The following MYOM2 variants were observed in gnomAD, a reference collection of about 807,000 sequenced individuals.
The protein encoded by MYOM2 is myomesin-2.
In MYOM2, 254 loss-of-function variants were observed where a neutral mutation model predicts 187.6. That is an observed-to-expected ratio of 1.35 (90% CI 1.22 to 1.50). MYOM2 has a LOEUF of 1.50. Ranked by LOEUF, MYOM2 falls within the 40% of genes most tolerant of loss-of-function variation. The pLI is 0.00. For missense variants in MYOM2, 2,796 were observed against 1,924.0 expected (o/e 1.45, Z -8.48); for synonymous variants, 981 against 753.8 (o/e 1.30, Z -4.94).
rs1372750646 is a variant in MYOM2 at position 2,057,384 on chromosome 8, G to A, written c.300G>A (p.Lys100=). 6.2e-7 allele frequency: 1 copy of A among 1,613,712 alleles called. No homozygotes were observed. Among genetic ancestry groups the A allele is most frequent in the Non-Finnish European group, 8.5e-7 (1 of 1,179,892 alleles). The change falls in exon 4 of 37, where the codon AAG becomes AAA. Residue 100 remains lysine, a synonymous_variant. Transcript: ENST00000262113. ...TGGTGGCCGCCTATGGTGAGGCCAAGCGACAGCGCTTCCTCAGCGAGCTGG... is the reference window on the plus strand; with the variant it reads ...TGGTGGCCGCCTATGGTGAGGCCAAACGACAGCGCTTCCTCAGCGAGCTGG... ...QSLVAAYGEA[K]RQRFLSELAH...
chr8:2,051,843 GGTTT>G (rs1039742224), intron 2 of MYOM2, among the ~76,000 whole-genome samples: 3 of 152,160 alleles, frequency 2.0e-5, no homozygotes, highest in East Asian at 1.9e-4. Flanking sequence ...CACTTGTGTA[GGTTT>G]GTTTATGTGT....
chr8:2,118,283 G>A (rs568998568), intron 28 of MYOM2, among the ~76,000 whole-genome samples: 3 of 152,252 alleles, frequency 2.0e-5, no homozygotes, highest in Non-Finnish European at 2.9e-5. Flanking sequence ...CTGCTCATAC[G>A]AGTTCATCAG....
intron 6 of MYOM2, among the ~76,000 whole-genome samples, chr8:2,066,821 G>T (rs1004428013): frequency 1.3e-5 from 2 of 152,228 alleles, no homozygotes. Context: ...CTGTTGCTTT[G>T]CACCTGGGGA....
chr8:2,116,213 T>G lies in MYOM2; in HGVS notation c.3326-3T>G. ...TATATATTTTTTTAAATATTGAATTTAGCATTCAAGACTGTGCTGGAAGAG... is the reference window on the plus strand; with the variant it reads ...TATATATTTTTTTAAATATTGAATTGAGCATTCAAGACTGTGCTGGAAGAG... On this transcript the variant is annotated splice_polypyrimidine_tract_variant and splice_region_variant and intron_variant, in intron 26 of 36. Coordinates refer to ENST00000262113, the MANE Select transcript of MYOM2 (RefSeq NM_003970.4). 5 of 1,601,866 alleles carry G rather than the reference T, an allele frequency of 3.1e-6. No individual in the cohort carries two copies. Among genetic ancestry groups the G allele is most frequent in the Non-Finnish European group, 4.3e-6 (5 of 1,175,612 alleles).
At chr8:2,064,503 G>C (rs1818950998) in intron 6 of MYOM2, among the ~76,000 whole-genome samples, 1 of 56,914 alleles carries the variant, frequency 1.8e-5, no homozygotes, top group African/African-American at 5.3e-5. Flanking sequence ...CAGAAGGAAG[G>C]AGAGCGCTCT....
Position 2,069,512 on chromosome 8 carries a change from G to A in MYOM2, c.793+15G>A, listed in dbSNP as rs111629288. On this transcript the variant is annotated intron_variant, in intron 8 of 36. Coordinates refer to ENST00000262113, the MANE Select transcript of MYOM2 (RefSeq NM_003970.4). Reference sequence around the variant, plus strand: ...CCCGATTGGATGTAAGTGGGTTTTTGTTTCTTTTCTGTGTGGTGAAATGTT... The same window carrying A: ...CCCGATTGGATGTAAGTGGGTTTTTATTTCTTTTCTGTGTGGTGAAATGTT... The A allele has an allele frequency of 3.1e-6, 5 of 1,613,974 alleles. No homozygotes were observed. Among genetic ancestry groups the A allele is most frequent in the Admixed American group, 1.7e-5 (1 of 60,008 alleles).
intron 32 of MYOM2, among the ~76,000 whole-genome samples, chr8:2,136,214 T>A (rs1156621127): frequency 1.3e-5 from 2 of 152,192 alleles, no homozygotes; most frequent in Non-Finnish European, 2.9e-5. Context: ...GATCCCCGGC[T>A]CATGGCTACC....
intron 14 of MYOM2, 43 bp from the exon 15 acceptor site, chr8:2,089,965 T>C: frequency 6.2e-7 from 1 of 1,601,848 alleles, no homozygotes; most frequent in South Asian, 1.1e-5. Context: ...TCTGGGGACC[T>C]CGCGGTTTTC....
intron 6 of MYOM2, 86 bp from the exon 7 acceptor site, chr8:2,069,192 C>G: frequency 7.6e-7 from 1 of 1,307,722 alleles, no homozygotes; most frequent in Non-Finnish European, 1.1e-6. Context: ...ATGTGATTTG[C>G]TTTCGAGGAA....
intron 32 of MYOM2, 128 bp downstream of exon 32, chr8:2,129,360 A>G: frequency 1.7e-6 from 1 of 577,120 alleles, no homozygotes; most frequent in Middle Eastern, 4.0e-4. Context: ...TATAATTTTG[A>G]GCAATGATGA....
Position 2,140,786 on chromosome 8 carries a change from G to A in MYOM2, c.3864G>A (p.Leu1288=), listed in dbSNP as rs559455848. 6 of 1,613,978 alleles carry A rather than the reference G, an allele frequency of 3.7e-6. No homozygotes were observed. The East Asian group carries it at 8.9e-5, about 24-fold the overall frequency. ...RIGGSEEMAW[L]QICEPTEKDK... ...GGGGGAGTGAAGAGATGGCTTGGCTGCAGATATGTGAGCCGACTGAGAAGG... is the reference window on the plus strand; with the variant it reads ...GGGGGAGTGAAGAGATGGCTTGGCTACAGATATGTGAGCCGACTGAGAAGG... Residue 1288 remains leucine (L), a synonymous_variant, in exon 33 of 37, where the codon CTG becomes CTA. Transcript: ENST00000262113.
intron 19 of MYOM2, 68 bp downstream of exon 19, chr8:2,099,051 T>C (rs976868477): frequency 1.3e-6 from 2 of 1,495,726 alleles, no homozygotes. Context: ...CCTCTGTGGC[T>C]GCGACTCTGG....
At chr8:2,102,828 G>C (rs771916053) in intron 21 of MYOM2, 47 bp downstream of exon 21, 11 of 1,449,006 alleles carry the variant, frequency 7.6e-6, no homozygotes, top group South Asian at 7.0e-5. Context: ...TTTGTGGGGA[G>C]AGTGTGCATG....
At chr8:2,045,600 A>C (rs914186175) in intron 1 of MYOM2, among the ~76,000 whole-genome samples, 1 of 152,252 alleles carries the variant, frequency 6.6e-6, no homozygotes, top group Non-Finnish European at 1.5e-5. Context: ...CTTAAGGGAA[A>C]AAAGAGTCGA....
chr8:2,137,572 G>C (rs997371297), intron 32 of MYOM2, among the ~76,000 whole-genome samples: 1 of 152,012 alleles, frequency 6.6e-6, no homozygotes, highest in African/African-American at 2.4e-5. Flanking sequence ...GGTTGTGTGT[G>C]TGTGTGTGTG....
Position 2,092,528 on chromosome 8 carries a change from C to G in MYOM2, c.2003+8C>G, listed in dbSNP as rs763649010. ...GCCCATCGGATACAACAGGTGCGGC[C>G]TCCCTCCCCAGCCCTGGAGTCAGCC... On this transcript the variant is annotated splice_region_variant and intron_variant, in intron 16 of 36. Coordinates refer to ENST00000262113, the MANE Select transcript of MYOM2 (RefSeq NM_003970.4). 2.5e-6 allele frequency: 4 copies of G among 1,613,312 alleles called. No homozygotes were observed. The highest frequency in any genetic ancestry group is 3.4e-6 in the Non-Finnish European group (4 of 1,179,668).
At chr8:2,086,383 GGCCTCCCAC>G in intron 14 of MYOM2, among the ~76,000 whole-genome samples, 1 of 119,870 alleles carries the variant, frequency 8.3e-6, no homozygotes, top group African/African-American at 4.1e-5. Flanking sequence ...ATCTCTGCGT[GGCCTCCCAC>G]TGTTGTGATC....
chr8:2,070,442 C>A (rs1218416801), intron 8 of MYOM2, among the ~76,000 whole-genome samples: 1 of 152,154 alleles, frequency 6.6e-6, no homozygotes, highest in South Asian at 2.1e-4. Context: ...CGGTGAGCCC[C>A]CAAGACCACC....
Position 2,115,984 on chromosome 8 carries a change from G to C in MYOM2, c.3205G>C (p.Ala1069Pro), listed in dbSNP as rs767230221. 5.6e-6 allele frequency: 9 copies of C among 1,613,774 alleles called. No individual in the cohort carries two copies. The East Asian group carries it at 2.0e-4, about 36-fold the overall frequency. Residue 1069 changes from alanine (A) to proline (P), a missense_variant, in exon 26 of 37, where the codon GCT becomes CCT. Ala to Pro is a conservative substitution (Grantham distance 27, BLOSUM62 -1). Transcript: ENST00000262113. The stretch of plus-strand genomic sequence containing the variant: ...GATACACAGAATTAAATGTGACAAA[G>C]CTACTGGCATTATTGAGATGGTGAT... ...SEIHRIKCDK[A>P]TGIIEMVMDR...
Sources: gnomAD v4.1 joint callset for allele counts (sites outside exome capture counted in the v4.1 genomes callset) on GRCh38, gnomAD v4.1.1 for gene constraint, MANE v1.5 for transcripts, NCBI Gene and HGNC (gene_info 2026-07-23, HGNC 2026-07-21) for gene names.